GALNTL6: variants seen among roughly 807,000 people sequenced by gnomAD.
GALNTL6 encodes polypeptide N-acetylgalactosaminyltransferase like 6, also known as polypeptide N-acetylgalactosaminyltransferase-like 6.
GALNTL6 carries 46 observed loss-of-function variants against 73.7 expected under a neutral mutation model. That is an observed-to-expected ratio of 0.62 (90% confidence interval 0.49 to 0.80). GALNTL6 has a LOEUF of 0.80. Among genes scored for constraint, GALNTL6 ranks in the 30% least tolerant of loss-of-function variants. The probability of loss-of-function intolerance (pLI) is 0.00; values close to 1 mark genes in which losing one functional copy is unlikely to be tolerated. For missense variants in GALNTL6, 604 were observed against 755.0 expected, an observed-to-expected ratio of 0.80 and a Z score of 2.34; for synonymous variants, 259 against 263.7, an observed-to-expected ratio of 0.98 and a Z score of 0.17.
chr4:172,135,685 A>AT (rs1488399728), intron 2 of GALNTL6, among the ~76,000 whole-genome samples: 1 of 152,114 alleles, frequency 6.6e-6, no homozygotes, highest in Non-Finnish European at 1.5e-5. Flanking sequence ...CATACATAAG[A>AT]TTTTTCAAAT....
At chr4:172,152,002 C>T (rs1450653715) in intron 2 of GALNTL6, among the ~76,000 whole-genome samples, 3 of 150,204 alleles carry the variant, frequency 2.0e-5, no homozygotes, top group Non-Finnish European at 4.4e-5. Flanking sequence ...TTTTAAACTG[C>T]GTCTCTCTCT....
intron 5 of GALNTL6, among the ~76,000 whole-genome samples, chr4:172,601,590 C>T (rs1430388812): frequency 6.6e-6 from 1 of 152,184 alleles, no homozygotes; most frequent in Non-Finnish European, 1.5e-5. Context: ...GCATATGCCC[C>T]TCTCCAGAAG....
intron 4 of GALNTL6, among the ~76,000 whole-genome samples, chr4:172,340,357 G>A (rs1324161897): frequency 6.6e-6 from 1 of 152,124 alleles, no homozygotes; most frequent in Non-Finnish European, 1.5e-5. Context: ...TGATTATGGT[G>A]TATGATCATT....
Position 172,156,544 on chromosome 4 carries a change from TATATATATATATATATATATATAC to T in GALNTL6, c.139-73108_139-73085del, listed in dbSNP as rs1560945581. On this transcript the variant is annotated intron_variant, in intron 2 of 12. Coordinates refer to ENST00000506823, the MANE Select transcript of GALNTL6 (RefSeq NM_001034845.3). Reference sequence around the variant, plus strand: ...TTTAAATATACATATATATATAATATATATATATATATATATATATATACATACTATATATATATAGTATATTGT... The same window carrying T: ...TTTAAATATACATATATATATAATATATACTATATATATATAGTATATTGT... Among the ~76,000 whole-genome samples the T allele has an allele frequency of 6.9e-4, 47 of 67,928 alleles. 4 individuals are homozygous for T. The highest frequency in any genetic ancestry group is 3.2e-3 in the African/African-American group (41 of 12,892). 44.6% of individuals were successfully genotyped at this position (67,928 alleles called of 152,430 possible).
intron 5 of GALNTL6, among the ~76,000 whole-genome samples, chr4:172,580,383 C>A (rs543882347): frequency 6.6e-6 from 1 of 152,104 alleles, no homozygotes; most frequent in Non-Finnish European, 1.5e-5. Context: ...AGCAAAACAA[C>A]TTGTATTTAA....
At chr4:172,680,987 C>T (rs1054227638) in intron 5 of GALNTL6, among the ~76,000 whole-genome samples, 10 of 152,274 alleles carry the variant, frequency 6.6e-5, no homozygotes, top group African/African-American at 1.7e-4. Context: ...CATGCAGGCA[C>T]AGAAAAGGAT....
intron 5 of GALNTL6, among the ~76,000 whole-genome samples, chr4:172,458,774 C>A (rs1486691248): frequency 6.6e-6 from 1 of 152,144 alleles, no homozygotes; most frequent in Admixed American, 6.5e-5. Flanking sequence ...CAGCTGAATT[C>A]TACCAGAGGT....
chr4:172,744,840 C>T (rs200791633), intron 5 of GALNTL6, among the ~76,000 whole-genome samples: 102 of 149,368 alleles, frequency 6.8e-4, no homozygotes, highest in Admixed American at 2.5e-3. Context: ...AGTGCGCGTG[C>T]GTGTGTGTGT....
chr4:172,850,580 G>A (rs532484385), intron 7 of GALNTL6, among the ~76,000 whole-genome samples: 1 of 152,056 alleles, frequency 6.6e-6, no homozygotes, highest in Non-Finnish European at 1.5e-5. Flanking sequence ...CTCCAGATGG[G>A]CGTCCTGTGA....
At chr4:172,618,072 A>G (rs542712547) in intron 5 of GALNTL6, among the ~76,000 whole-genome samples, 79 of 152,294 alleles carry the variant, frequency 5.2e-4, no homozygotes, top group African/African-American at 1.8e-3. Context: ...CTTTATTGTT[A>G]TTTTATACCA....
chr4:172,135,434 A>G (rs1430270640), intron 2 of GALNTL6, among the ~76,000 whole-genome samples: 8 of 151,846 alleles, frequency 5.3e-5, no homozygotes, highest in Non-Finnish European at 1.5e-5. Context: ...AGAGAAAGAG[A>G]GAGAGTTGCC....
chr4:172,476,875 CTATTT>C (rs948395374), intron 5 of GALNTL6, among the ~76,000 whole-genome samples: 10 of 148,744 alleles, frequency 6.7e-5, no homozygotes, highest in African/African-American at 2.0e-4. Context: ...ATAGTACATT[CTATTT>C]ATTTTAACTA....
chr4:172,625,602 C>T (rs1273020284), intron 5 of GALNTL6, among the ~76,000 whole-genome samples: 1 of 152,088 alleles, frequency 6.6e-6, no homozygotes, highest in African/African-American at 2.4e-5. Flanking sequence ...AATCTCCAAA[C>T]TGCTTTCCAC....
chr4:171,984,212 A>G (rs1281227563), intron 2 of GALNTL6, among the ~76,000 whole-genome samples: 1 of 152,196 alleles, frequency 6.6e-6, no homozygotes, highest in Non-Finnish European at 1.5e-5. Context: ...GCCCTTGGAA[A>G]CAAAATGCAG....
At chr4:172,034,258 G>A (rs565916054) in intron 2 of GALNTL6, among the ~76,000 whole-genome samples, 2 of 152,166 alleles carry the variant, frequency 1.3e-5, no homozygotes, top group South Asian at 4.1e-4. Flanking sequence ...TGTCTGGGCT[G>A]TGTACCAACT....
At chr4:172,814,850 A>T (rs1560971211) in intron 7 of GALNTL6, among the ~76,000 whole-genome samples, 1 of 152,150 alleles carries the variant, frequency 6.6e-6, no homozygotes, top group Non-Finnish European at 1.5e-5. Context: ...CACGCGAGAG[A>T]AGTCGTTTCT....
At chr4:173,013,725 T>G (rs909814107) in intron 11 of GALNTL6, among the ~76,000 whole-genome samples, 1 of 151,950 alleles carries the variant, frequency 6.6e-6, no homozygotes, top group Non-Finnish European at 1.5e-5. Flanking sequence ...TCTCTAGAGA[T>G]CCTAAAAATG....
Position 172,310,636 on chromosome 4 carries a change from C to T in GALNTL6, c.248-978C>T, listed in dbSNP as rs377207807. Among the ~76,000 whole-genome samples the T allele has an allele frequency of 1.8e-4, 28 of 152,032 alleles. No individual in the cohort carries two copies. In the South Asian group the frequency reaches 2.5e-3, roughly 14 times the overall value. The stretch of plus-strand genomic sequence containing the variant: ...TGAAAAAAATAAAAATTATATTTAT[C>T]GCACTTCTCACACCAAAACATATTC... On this transcript the variant is annotated intron_variant, in intron 3 of 12. Transcript: ENST00000506823.
At chr4:172,563,286 A>C (rs932824740) in intron 5 of GALNTL6, among the ~76,000 whole-genome samples, 1 of 152,110 alleles carries the variant, frequency 6.6e-6, no homozygotes, top group Non-Finnish European at 1.5e-5. Flanking sequence ...AACCAGGATT[A>C]AACACCCTAG....
Sources: gnomAD v4.1 joint callset for allele counts (sites outside exome capture counted in the v4.1 genomes callset) on GRCh38, gnomAD v4.1.1 for gene constraint, MANE v1.5 for transcripts, NCBI Gene and HGNC (gene_info 2026-07-23, HGNC 2026-07-21) for gene names.